Variants in GRIK2 observed in about 807,000 individuals in gnomAD.
GRIK2 encodes the protein glutamate receptor ionotropic, kainate 2.
GRIK2 carries 32 observed loss-of-function variants against 100.3 expected under a neutral mutation model. That is an observed-to-expected ratio of 0.32 (90% CI 0.24 to 0.43). The LOEUF is 0.43. GRIK2 is among the 20% of genes least tolerant of loss of function. GRIK2 has a pLI of 1.00. For synonymous variants in GRIK2, 417 were observed against 389.4 expected, an observed-to-expected ratio of 1.07 and a Z score of -0.83; for missense variants, 843 against 1,114.9, an observed-to-expected ratio of 0.76 and a Z score of 3.47.
chr6:101,542,608 A>G (rs1452628006), intron 2 of GRIK2, among the ~76,000 whole-genome samples: 1 of 152,154 alleles, frequency 6.6e-6, no homozygotes, highest in Non-Finnish European at 1.5e-5. Flanking sequence ...TTAAAATATT[A>G]TGCATTAGTT....
chr6:101,650,852 C>T lies in GRIK2; in HGVS notation c.541+24215C>T, dbSNP rs116482227. ...TTCTTCTTTCCTTCAGTACATCCCA[C>T]GACCCATTCCCCACCCCCTAGCACC... On this transcript the variant is annotated intron_variant, in intron 4 of 16. Coordinates refer to ENST00000369134, the MANE Select transcript of GRIK2 (RefSeq NM_021956.5). Among the ~76,000 whole-genome samples, 431 of 152,128 alleles carry T rather than the reference C, an allele frequency of 2.8e-3. 4 individuals carry two copies. The highest frequency in any genetic ancestry group is 0.01 in the African/African-American group (422 of 41,522).
intron 12 of GRIK2, among the ~76,000 whole-genome samples, chr6:101,923,904 G>A (rs1468748111): frequency 8.2e-6 from 1 of 122,678 alleles, no homozygotes; most frequent in African/African-American, 3.2e-5. Flanking sequence ...CAGCCTGGGG[G>A]ACAAAGGGAG....
intron 4 of GRIK2, among the ~76,000 whole-genome samples, chr6:101,639,431 A>T (rs1274856502): frequency 6.6e-6 from 1 of 152,148 alleles, no homozygotes; most frequent in African/African-American, 2.4e-5. Flanking sequence ...GACTTTTTAG[A>T]GGTATTTCTG....
chr6:102,045,953 A>T (rs527894165), intron 15 of GRIK2, among the ~76,000 whole-genome samples: 1 of 152,236 alleles, frequency 6.6e-6, no homozygotes, highest in Admixed American at 6.6e-5. Flanking sequence ...GTTGCATATA[A>T]GAGATTCTTT....
At chr6:101,550,689 C>A (rs923810851) in intron 2 of GRIK2, among the ~76,000 whole-genome samples, 5 of 152,030 alleles carry the variant, frequency 3.3e-5, no homozygotes, top group South Asian at 2.1e-4. Flanking sequence ...ATTATTTGGC[C>A]CAATTTTACC....
intron 11 of GRIK2, among the ~76,000 whole-genome samples, chr6:101,862,153 T>A (rs1423683630): frequency 6.6e-6 from 1 of 152,128 alleles, no homozygotes; most frequent in African/African-American, 2.4e-5. Flanking sequence ...TTCTTTCCTG[T>A]AATGGATAAT....
chr6:101,485,809 T>G (rs1399563323), intron 2 of GRIK2, among the ~76,000 whole-genome samples: 1 of 152,108 alleles, frequency 6.6e-6, no homozygotes, highest in Non-Finnish European at 1.5e-5. Context: ...TGATAGTTCT[T>G]CTGAACTATG....
At chr6:101,485,463 G>A (rs1772769415) in intron 2 of GRIK2, among the ~76,000 whole-genome samples, 1 of 152,032 alleles carries the variant, frequency 6.6e-6, no homozygotes, top group East Asian at 1.9e-4. Flanking sequence ...TCACTTTTAA[G>A]AACTACTAAA....
intron 2 of GRIK2, among the ~76,000 whole-genome samples, chr6:101,474,423 A>C (rs967308346): frequency 6.6e-6 from 1 of 151,892 alleles, no homozygotes; most frequent in African/African-American, 2.4e-5. Context: ...GAAAAGCTTT[A>C]ACACATATTT....
intron 2 of GRIK2, among the ~76,000 whole-genome samples, chr6:101,557,794 T>C (rs779991197): frequency 1.3e-5 from 2 of 152,202 alleles, no homozygotes; most frequent in Non-Finnish European, 2.9e-5. Flanking sequence ...CAGCTACCTG[T>C]TCATTTAGCA....
chr6:101,432,514 G>A (rs1470503632), intron 2 of GRIK2, among the ~76,000 whole-genome samples: 1 of 152,188 alleles, frequency 6.6e-6, no homozygotes, highest in Non-Finnish European at 1.5e-5. Flanking sequence ...CTAACAGGTT[G>A]TAGGAATACA....
At chr6:101,873,662 A>C (rs1321160585) in intron 11 of GRIK2, among the ~76,000 whole-genome samples, 1 of 152,000 alleles carries the variant, frequency 6.6e-6, no homozygotes, top group Non-Finnish European at 1.5e-5. Context: ...ATCCTTGAGG[A>C]ATTGCCACAC....
At chr6:101,779,393 T>C (rs888996621) in intron 7 of GRIK2, among the ~76,000 whole-genome samples, 3 of 152,194 alleles carry the variant, frequency 2.0e-5, no homozygotes, top group African/African-American at 7.2e-5. Flanking sequence ...TTTAAATATA[T>C]TTGCAGACAT....
At chr6:101,851,893 G>A (rs1422213227) in intron 10 of GRIK2, among the ~76,000 whole-genome samples, 1 of 151,068 alleles carries the variant, frequency 6.6e-6, no homozygotes, top group East Asian at 1.9e-4. Flanking sequence ...GGAAGTATGG[G>A]AGGGATGGGT....
chr6:101,984,814 A>T (rs1004635038), intron 14 of GRIK2, among the ~76,000 whole-genome samples: 10 of 151,766 alleles, frequency 6.6e-5, no homozygotes, highest in African/African-American at 2.4e-4. Flanking sequence ...ATGAAATTAA[A>T]CTACATTTTA....
rs115482545 is a variant in GRIK2 at position 101,768,792 on chromosome 6, C to G, written c.952-30856C>G. Among the ~76,000 whole-genome samples the G allele has an allele frequency of 2.0e-3, 309 of 152,202 alleles. 1 individual carries two copies. Among genetic ancestry groups the G allele is most frequent in the African/African-American group, 7.2e-3 (300 of 41,556 alleles). On this transcript the variant is annotated intron_variant, in intron 7 of 16. Coordinates refer to ENST00000369134, the MANE Select transcript of GRIK2 (RefSeq NM_021956.5). Reference sequence around the variant, plus strand: ...GTGCCCATTACTCAGTGCTTTGAGCCTTGGCTCCTTGGCATGTATTGTTTA... The same window carrying G: ...GTGCCCATTACTCAGTGCTTTGAGCGTTGGCTCCTTGGCATGTATTGTTTA...
chr6:101,985,579 A>T (rs1241022125), intron 14 of GRIK2, among the ~76,000 whole-genome samples: 2 of 151,784 alleles, frequency 1.3e-5, no homozygotes, highest in Non-Finnish European at 2.9e-5. Flanking sequence ...CAGTTTGTCC[A>T]TAAACGAGGC....
At chr6:101,895,300 G>A (rs536903495) in intron 12 of GRIK2, among the ~76,000 whole-genome samples, 187 of 151,670 alleles carry the variant, frequency 1.2e-3, no homozygotes, top group Non-Finnish European at 1.8e-3. Flanking sequence ...TAGAGTATTA[G>A]AATATTATCT....
chr6:101,818,764 A>G (rs987659978), intron 10 of GRIK2, among the ~76,000 whole-genome samples: 1 of 152,184 alleles, frequency 6.6e-6, no homozygotes, highest in Non-Finnish European at 1.5e-5. Flanking sequence ...CTATTGAGGA[A>G]TTGTCAATGT....
Sources: gnomAD v4.1 joint callset for allele counts (sites outside exome capture counted in the v4.1 genomes callset) on GRCh38, gnomAD v4.1.1 for gene constraint, MANE v1.5 for transcripts, NCBI Gene and HGNC (gene_info 2026-07-23, HGNC 2026-07-21) for gene names.